GLIS3: variants seen among roughly 807,000 people sequenced by gnomAD.
GLIS3 encodes the protein zinc finger protein GLIS3.
In GLIS3, 53 loss-of-function variants were observed where a neutral mutation model predicts 78.6. That is an observed-to-expected ratio of 0.67 (90% CI 0.54 to 0.85). The LOEUF (loss-of-function observed/expected upper bound fraction) is 0.85, where lower values mean the gene tolerates loss of function less well. Among genes scored for constraint, GLIS3 ranks in the 40% least tolerant of loss-of-function variants. The pLI, the probability that GLIS3 is intolerant of heterozygous loss-of-function variation, is 0.00. For synonymous variants in GLIS3, 684 were observed against 509.9 expected (o/e 1.34, Z -4.60); for missense variants, 1,703 against 1,231.1 (o/e 1.38, Z -5.74).
intron 4 of GLIS3, among the ~76,000 whole-genome samples, chr9:4,091,113 G>C (rs1236617457): frequency 6.6e-6 from 1 of 152,166 alleles, no homozygotes; most frequent in African/African-American, 2.4e-5. Context: ...CCAACATTTT[G>C]GGAGTCTTGG....
chr9:4,032,631 G>A (rs1403341040), intron 4 of GLIS3, among the ~76,000 whole-genome samples: 3 of 152,108 alleles, frequency 2.0e-5, no homozygotes, highest in Admixed American at 6.5e-5. Context: ...TACGCAACGT[G>A]TCAAGTGACA....
chr9:4,033,864 TAAA>T lies in GLIS3; in HGVS notation c.1710+83901_1710+83903del, dbSNP rs34745570. 3.9e-3 allele frequency among the ~76,000 whole-genome samples: 267 copies of T among 67,986 alleles called. 2 individuals are homozygous for T. The highest frequency in any genetic ancestry group is 5.9e-3 in the African/African-American group (94 of 16,002). The allele number at this position is 67,986 out of a possible 152,430, so 44.6% of individuals were successfully genotyped here. A position where few individuals can be genotyped will look rare whatever the true frequency, so the allele number is the denominator to read the frequency against. On this transcript the variant is annotated intron_variant, in intron 4 of 10. Coordinates refer to ENST00000381971, the MANE Select transcript of GLIS3 (RefSeq NM_001042413.2). ...TGCCCCCAAAAACATAGGCGAAGGATAAAAAAAAAAAAAAAAAAAAAAAAAACT... is the reference window on the plus strand; with the variant it reads ...TGCCCCCAAAAACATAGGCGAAGGATAAAAAAAAAAAAAAAAAAAAAAACT...
rs538496525 is a variant in GLIS3 at position 4,248,988 on chromosome 9, A to C, written c.388+37050T>G. On this transcript the variant is annotated intron_variant, in intron 2 of 10. Coordinates refer to ENST00000381971, the MANE Select transcript of GLIS3 (RefSeq NM_001042413.2). The stretch of plus-strand genomic sequence containing the variant: ...CCTCTGTTCTGTTCCATTAGTCTAT[A>C]TATCTATTTTGGTACAAGTACCATG... Among the ~76,000 whole-genome samples, 6 of 152,204 alleles carry C rather than the reference A, an allele frequency of 3.9e-5. No homozygotes were observed. In the South Asian group the frequency reaches 1.2e-3, roughly 32 times the overall value.
chr9:4,097,718 T>G (rs764231611), intron 4 of GLIS3, among the ~76,000 whole-genome samples: 1 of 152,176 alleles, frequency 6.6e-6, no homozygotes, highest in Admixed American at 6.5e-5. Flanking sequence ...AATTGCTCAA[T>G]ATGAAAAACA....
the GLIS3 span, among the ~76,000 whole-genome samples, chr9:4,358,409 C>A: frequency 3.3e-5 from 5 of 152,074 alleles, no homozygotes; most frequent in African/African-American, 9.7e-5. Flanking sequence ...CCTTCACAAA[C>A]CGAAATGTTC....
the GLIS3 span, among the ~76,000 whole-genome samples, chr9:4,440,745 A>C: frequency 6.6e-6 from 1 of 152,282 alleles, no homozygotes; most frequent in Middle Eastern, 3.4e-3. Flanking sequence ...AGATCACTTC[A>C]GGTAATATGG....
At chr9:4,184,938 G>C (rs7044743) in intron 2 of GLIS3, among the ~76,000 whole-genome samples, 10,446 of 152,208 alleles carry the variant, frequency 0.069, 513 homozygotes, top group East Asian at 0.22. Flanking sequence ...GACAGTCAAT[G>C]TGTACTTTGT....
intron 4 of GLIS3, among the ~76,000 whole-genome samples, chr9:4,022,630 T>A (rs1314618201): frequency 2.6e-5 from 4 of 152,126 alleles, no homozygotes; most frequent in African/African-American, 9.7e-5. Flanking sequence ...TAAACAAGTG[T>A]TCATGGACTT....
At chr9:4,443,044 T>C in the GLIS3 span, among the ~76,000 whole-genome samples, 2 of 152,162 alleles carry the variant, frequency 1.3e-5, no homozygotes, top group African/African-American at 2.4e-5. Flanking sequence ...TTTGCCAGGA[T>C]GTAGAGGCTC....
chr9:3,968,479 C>T lies in GLIS3; in HGVS notation c.1711-31290G>A, dbSNP rs555527946. Among the ~76,000 whole-genome samples the T allele has an allele frequency of 1.6e-3, 238 of 152,084 alleles. 1 individual carries two copies. The highest frequency in any genetic ancestry group is 5.4e-3 in the African/African-American group (223 of 41,482). On this transcript the variant is annotated intron_variant, in intron 4 of 10. Transcript: ENST00000381971. ...TATATGCATATGAAAAATACATATA[C>T]GTGTGATAATCCGTCTATACAAAAT... is the stretch of plus-strand genomic sequence containing the variant.
At chr9:3,982,453 T>C (rs989600575) in intron 4 of GLIS3, among the ~76,000 whole-genome samples, 3 of 152,178 alleles carry the variant, frequency 2.0e-5, no homozygotes, top group Non-Finnish European at 2.9e-5. Context: ...GATCAAAGTT[T>C]TGCTACTTAC....
intron 2 of GLIS3, among the ~76,000 whole-genome samples, chr9:4,240,925 C>A (rs1480963539): frequency 1.4e-5 from 2 of 147,406 alleles, no homozygotes; most frequent in Non-Finnish European, 3.0e-5. Flanking sequence ...AAAAAGAGAA[C>A]TTTAGATACT....
At chr9:4,198,782 C>A (rs766320395) in intron 2 of GLIS3, among the ~76,000 whole-genome samples, 2 of 151,992 alleles carry the variant, frequency 1.3e-5, no homozygotes, top group African/African-American at 2.4e-5. Context: ...AAGGTCAATG[C>A]TACAGAAAAA....
chr9:4,057,166 A>C (rs1358943537), intron 4 of GLIS3, among the ~76,000 whole-genome samples: 1 of 152,108 alleles, frequency 6.6e-6, no homozygotes, highest in Non-Finnish European at 1.5e-5. Context: ...GAGAATACTA[A>C]TTCCAGGGCT....
At chr9:3,929,836 A>G (rs2130768636) in intron 6 of GLIS3, among the ~76,000 whole-genome samples, 1 of 152,314 alleles carries the variant, frequency 6.6e-6, no homozygotes. Flanking sequence ...ATTTTTAATT[A>G]AAGTCGTAAA....
chr9:4,396,146 T>G, the GLIS3 span, among the ~76,000 whole-genome samples: 7 of 151,456 alleles, frequency 4.6e-5, no homozygotes, highest in African/African-American at 1.7e-4. Context: ...GGAATCTCAC[T>G]CCGTCACCCA....
At chr9:3,892,408 A>G (rs992066777) in intron 7 of GLIS3, among the ~76,000 whole-genome samples, 4 of 152,186 alleles carry the variant, frequency 2.6e-5, no homozygotes, top group African/African-American at 9.7e-5. Context: ...TCAGCCCATG[A>G]CAATATTGAG....
At chr9:4,386,220 G>C in the GLIS3 span, among the ~76,000 whole-genome samples, 1 of 152,112 alleles carries the variant, frequency 6.6e-6, no homozygotes, top group Admixed American at 6.5e-5. Flanking sequence ...AAGGAGCTTT[G>C]GTTACTAAGC....
intron 4 of GLIS3, among the ~76,000 whole-genome samples, chr9:4,021,846 T>C (rs769704533): frequency 1.3e-5 from 2 of 152,294 alleles, no homozygotes; most frequent in Non-Finnish European, 2.9e-5. Context: ...GCAATAGTTT[T>C]TTCAGTTTAT....
Sources: allele counts gnomAD v4.1 joint callset (sites outside exome capture counted in the v4.1 genomes callset), GRCh38; gene constraint gnomAD v4.1.1; transcripts MANE v1.5; gene names NCBI Gene and HGNC (gene_info 2026-07-23, HGNC 2026-07-21).